The following PTPRD variants were observed in gnomAD, a reference collection of about 807,000 sequenced individuals.
PTPRD encodes the protein receptor-type tyrosine-protein phosphatase delta.
A neutral mutation model predicts 214.5 loss-of-function variants in PTPRD; 34 were observed. The ratio of observed to expected loss-of-function variants is 0.16; its 90% confidence interval spans 0.12 to 0.21. The LOEUF is 0.21. Ranked by LOEUF, PTPRD falls within the 10% of genes least tolerant of loss-of-function variation. The probability of loss-of-function intolerance (pLI) is 1.00; values close to 1 mark genes in which losing one functional copy is unlikely to be tolerated. For synonymous variants in PTPRD, 1,128 were observed against 845.7 expected (o/e 1.33, Z -5.79); for missense variants, 2,545 against 2,398.7 (o/e 1.06, Z -1.27).
At chr9:10,172,249 C>G (rs992501929) in intron 3 of PTPRD, among the ~76,000 whole-genome samples, 1 of 152,068 alleles carries the variant, frequency 6.6e-6, no homozygotes, top group Admixed American at 6.6e-5. Flanking sequence ...ACCTGAAGGA[C>G]AAGTCAAAAT....
chr9:10,545,410 G>T (rs1172905956), intron 2 of PTPRD, among the ~76,000 whole-genome samples: 1 of 152,096 alleles, frequency 6.6e-6, no homozygotes, highest in African/African-American at 2.4e-5. Context: ...TTTGAAAAGG[G>T]CTATTTACAC....
chr9:8,895,578 C>A (rs571384479), intron 11 of PTPRD, among the ~76,000 whole-genome samples: 3 of 152,124 alleles, frequency 2.0e-5, no homozygotes, highest in African/African-American at 7.2e-5. Flanking sequence ...ATAAAATGTC[C>A]TTTGTAGCAT....
At chr9:9,925,878 G>C (rs1271805994) in intron 5 of PTPRD, among the ~76,000 whole-genome samples, 3 of 152,102 alleles carry the variant, frequency 2.0e-5, no homozygotes, top group African/African-American at 7.2e-5. Context: ...ACCCAGGCTA[G>C]AGTACAGTGT....
intron 8 of PTPRD, among the ~76,000 whole-genome samples, chr9:9,563,991 G>A (rs1307781343): frequency 6.6e-6 from 1 of 152,066 alleles, no homozygotes; most frequent in African/African-American, 2.4e-5. Flanking sequence ...TGTTGGCCTA[G>A]GTTCAACTGA....
At chr9:9,381,677 T>G (rs561371094) in intron 9 of PTPRD, among the ~76,000 whole-genome samples, 1 of 41,868 alleles carries the variant, frequency 2.4e-5, no homozygotes, top group Non-Finnish European at 4.0e-5. Flanking sequence ...AAAGTGTTTG[T>G]TTTTTTTTGT....
At chr9:9,677,356 GT>G (rs2096955069) in intron 7 of PTPRD, among the ~76,000 whole-genome samples, 1 of 151,838 alleles carries the variant, frequency 6.6e-6, no homozygotes, top group African/African-American at 2.4e-5. Flanking sequence ...TGGCTAGCCA[GT>G]TTTCCCAGCA....
rs75077752 is a variant in PTPRD at position 8,651,969 on chromosome 9, A to G, written c.65-15125T>C. ...CCCAGGCAGTGCAGACCCTGGTAGC[A>G]GCTCATTTCAGTGCCGATTATGCAC... On this transcript the variant is annotated intron_variant, in intron 12 of 45. Coordinates refer to ENST00000381196, the MANE Select transcript of PTPRD (RefSeq NM_002839.4). 1.4e-3 allele frequency among the ~76,000 whole-genome samples: 220 copies of G among 152,332 alleles called. 1 individual carries two copies. The highest frequency in any genetic ancestry group is 5.0e-3 in the African/African-American group (207 of 41,570).
At chr9:9,447,887 T>C (rs538096313) in intron 8 of PTPRD, among the ~76,000 whole-genome samples, 2 of 152,158 alleles carry the variant, frequency 1.3e-5, no homozygotes, top group East Asian at 1.9e-4. Context: ...TCAGTGCCGT[T>C]GGGCCAGATT....
chr9:10,091,378 C>T (rs1276129517), intron 3 of PTPRD, among the ~76,000 whole-genome samples: 1 of 151,414 alleles, frequency 6.6e-6, no homozygotes, highest in Non-Finnish European at 1.5e-5. Flanking sequence ...CCTCTACTGA[C>T]CAATTCATTA....
At chr9:9,533,539 T>C (rs1439934869) in intron 8 of PTPRD, among the ~76,000 whole-genome samples, 3 of 152,250 alleles carry the variant, frequency 2.0e-5, no homozygotes, top group Admixed American at 1.3e-4. Context: ...AATTTTTCTA[T>C]TTTTCAAATG....
intron 39 of PTPRD, among the ~76,000 whole-genome samples, chr9:8,342,731 A>C (rs538835758): frequency 3.9e-5 from 6 of 152,114 alleles, no homozygotes; most frequent in African/African-American, 1.4e-4. Flanking sequence ...TCAATAAACA[A>C]TGAAGTACTC....
At chr9:9,601,580 A>G (rs16929891) in intron 7 of PTPRD, among the ~76,000 whole-genome samples, 23,462 of 152,032 alleles carry the variant, frequency 0.15, 2,199 homozygotes, top group African/African-American at 0.24. Flanking sequence ...CAGCAATTCA[A>G]TGCTCAAATT....
intron 7 of PTPRD, among the ~76,000 whole-genome samples, chr9:9,619,031 GA>G (rs2095072486): frequency 6.6e-6 from 1 of 152,080 alleles, no homozygotes; most frequent in South Asian, 2.1e-4. Flanking sequence ...GAGAAAACAA[GA>G]AAAAGAATAA....
At position 8,742,921 on chromosome 9, in the gene PTPRD, C is replaced by T. The variant is rs140444106; in HGVS notation, c.-103-8975G>A. 3.7e-4 allele frequency among the ~76,000 whole-genome samples: 56 copies of T among 152,096 alleles called. 1 individual carries two copies. In the East Asian group the frequency reaches 4.3e-3, roughly 12 times the overall value. On this transcript the variant is annotated intron_variant, in intron 11 of 45. Transcript: ENST00000381196. Reference sequence around the variant, plus strand: ...CTAGAGACAATTTTTGTTGTCACAGCGCAAGAAGGGTGACCCATGGCACCT... The same window carrying T: ...CTAGAGACAATTTTTGTTGTCACAGTGCAAGAAGGGTGACCCATGGCACCT...
chr9:9,806,008 C>T (rs1300014909), intron 5 of PTPRD, among the ~76,000 whole-genome samples: 1 of 152,110 alleles, frequency 6.6e-6, no homozygotes, highest in African/African-American at 2.4e-5. Flanking sequence ...GATCCTAACC[C>T]TCAAGTGGTT....
chr9:8,831,153 C>T (rs2097281838), intron 11 of PTPRD, among the ~76,000 whole-genome samples: 1 of 152,064 alleles, frequency 6.6e-6, no homozygotes, highest in Admixed American at 6.6e-5. Flanking sequence ...TTTTCTGATA[C>T]TTGACAGTAA....
At chr9:9,355,704 A>G (rs2053500451) in intron 9 of PTPRD, among the ~76,000 whole-genome samples, 1 of 151,604 alleles carries the variant, frequency 6.6e-6, no homozygotes, top group Admixed American at 6.6e-5. Flanking sequence ...AGTCACAGGT[A>G]TACAGAAGGT....
rs2097888887 is a variant in PTPRD, at chr9:9,719,131, C to T, written c.-287+15402G>A. Among the ~76,000 whole-genome samples, 5 of 152,150 alleles carry T rather than the reference C, an allele frequency of 3.3e-5. No homozygotes were observed. In the South Asian group the frequency reaches 8.3e-4, roughly 25 times the overall value. The stretch of plus-strand genomic sequence containing the variant: ...CTGACAAAACAGCATGCACTTCTGC[C>T]ATTCTGAGCCCATAACATCTCCAGA... On this transcript the variant is annotated intron_variant, in intron 7 of 45. Coordinates refer to ENST00000381196, the MANE Select transcript of PTPRD (RefSeq NM_002839.4).
At chr9:10,423,645 G>A (rs2098577238) in intron 2 of PTPRD, among the ~76,000 whole-genome samples, 1 of 151,854 alleles carries the variant, frequency 6.6e-6, no homozygotes, top group Admixed American at 6.6e-5. Flanking sequence ...CAAGTGTAAG[G>A]TGTTTTTTAG....
Sources: allele counts gnomAD v4.1 joint callset (sites outside exome capture counted in the v4.1 genomes callset), GRCh38; gene constraint gnomAD v4.1.1; transcripts MANE v1.5; gene names NCBI Gene and HGNC (gene_info 2026-07-23, HGNC 2026-07-21).